ATP6V0D2: variants seen among roughly 807,000 people sequenced by gnomAD.
ATP6V0D2 encodes V-type proton ATPase subunit d 2.
A neutral mutation model predicts 40.0 loss-of-function variants in ATP6V0D2; 40 were observed. That is an observed-to-expected ratio of 1.00 (90% CI 0.78 to 1.30). The LOEUF (loss-of-function observed/expected upper bound fraction) is 1.30, where lower values mean the gene tolerates loss of function less well. Among genes scored for constraint, ATP6V0D2 ranks in the 50% most tolerant of loss-of-function variants. The pLI is 0.00. For synonymous variants in ATP6V0D2, 179 were observed against 156.3 expected, an observed-to-expected ratio of 1.15 and a Z score of -1.08; for missense variants, 470 against 423.1, an observed-to-expected ratio of 1.11 and a Z score of -0.97.
chr8:86,151,207 G>C (rs1008578488), intron 6 of ATP6V0D2, among the ~76,000 whole-genome samples: 10 of 149,408 alleles, frequency 6.7e-5, no homozygotes, highest in Admixed American at 4.6e-4. Flanking sequence ...GTGAGAAAAT[G>C]AGCTCAAACA....
intron 2 of ATP6V0D2, among the ~76,000 whole-genome samples, chr8:86,121,848 G>T (rs1481078462): frequency 6.6e-6 from 1 of 152,072 alleles, no homozygotes; most frequent in Non-Finnish European, 1.5e-5. Flanking sequence ...GATTAAATCT[G>T]TTTTATTAGA....
At chr8:86,120,321 A>G (rs2130247435) in intron 2 of ATP6V0D2, among the ~76,000 whole-genome samples, 1 of 152,242 alleles carries the variant, frequency 6.6e-6, no homozygotes, top group East Asian at 1.9e-4. Flanking sequence ...GGATTGCTTG[A>G]GTCTAGGAGA....
At chr8:86,136,744 C>A (rs1157428935) in intron 2 of ATP6V0D2, among the ~76,000 whole-genome samples, 4 of 152,134 alleles carry the variant, frequency 2.6e-5, no homozygotes, top group Non-Finnish European at 4.4e-5. Flanking sequence ...AAACGAATTC[C>A]CTGCCCAGGA....
At chr8:86,150,006 C>T in intron 5 of ATP6V0D2, 106 bp from the exon 6 acceptor site, 4 of 1,092,424 alleles carry the variant, frequency 3.7e-6, no homozygotes, top group Non-Finnish European at 5.3e-6. Flanking sequence ...GACATAGATC[C>T]AGAAAGGAAA....
In ATP6V0D2 at chr8:86,138,236, C is replaced by T. The variant is rs72686773; in HGVS notation, c.303-1221C>T. On this transcript the variant is annotated intron_variant, in intron 2 of 7. Transcript: ENST00000285393. The stretch of plus-strand genomic sequence containing the variant: ...CCAGTTCCCAGCCCCTTTTGGCTGG[C>T]CAGCTTCTACTAATTCTTCAAGTTT... 3.8e-3 allele frequency among the ~76,000 whole-genome samples: 572 copies of T among 152,312 alleles called. 7 individuals are homozygous for T. Among genetic ancestry groups the T allele is most frequent in the South Asian group, 0.028 (136 of 4,826 alleles).
chr8:86,144,834 G>A (rs554156717), intron 5 of ATP6V0D2, among the ~76,000 whole-genome samples: 126 of 148,906 alleles, frequency 8.5e-4, no homozygotes, highest in African/African-American at 2.9e-3. Flanking sequence ...GCCCAGCTAA[G>A]TGTTTTATTT....
intron 2 of ATP6V0D2, among the ~76,000 whole-genome samples, chr8:86,116,608 C>T (rs776395514): frequency 2.0e-5 from 3 of 151,842 alleles, no homozygotes; most frequent in Admixed American, 6.6e-5. Context: ...TTATTTTTTC[C>T]GCTTACAAAA....
chr8:86,109,288 A>G (rs1818505828), intron 1 of ATP6V0D2, among the ~76,000 whole-genome samples: 1 of 152,188 alleles, frequency 6.6e-6, no homozygotes, highest in Non-Finnish European at 1.5e-5. Flanking sequence ...ATAAGCATTT[A>G]GGGAAATGTA....
rs79265657 is a variant in ATP6V0D2 at position 86,112,727 on chromosome 8, T to C, written c.131-982T>C. ...TGAAGTATGGATGCTAGAAAATACA[T>C]GGTTTGTTCAGGAGGAAGTGACAAT... On this transcript the variant is annotated intron_variant, in intron 1 of 7. Transcript: ENST00000285393. Among the ~76,000 whole-genome samples, 1,292 of 152,238 alleles carry C rather than the reference T, an allele frequency of 8.5e-3. 17 individuals are homozygous for C. The highest frequency in any genetic ancestry group is 0.03 in the African/African-American group (1,234 of 41,544).
At chr8:86,140,427 G>A (rs1171727057) in intron 3 of ATP6V0D2, among the ~76,000 whole-genome samples, 1 of 152,146 alleles carries the variant, frequency 6.6e-6, no homozygotes, top group Non-Finnish European at 1.5e-5. Context: ...CCATGAGCAT[G>A]AAACCAGGCT....
At chr8:86,143,302 C>T (rs1819002668) in intron 5 of ATP6V0D2, among the ~76,000 whole-genome samples, 7 of 152,126 alleles carry the variant, frequency 4.6e-5, no homozygotes, top group Admixed American at 4.6e-4. Flanking sequence ...GGGTCCCAAT[C>T]CAGACCCCAA....
chr8:86,107,002 C>T (rs995521922), intron 1 of ATP6V0D2, among the ~76,000 whole-genome samples: 1 of 147,428 alleles, frequency 6.8e-6, no homozygotes, highest in Non-Finnish European at 1.5e-5. Flanking sequence ...TGCCACCGTA[C>T]TTTAGCCTGG....
At chr8:86,143,805 TG>T (rs1334275329) in intron 5 of ATP6V0D2, among the ~76,000 whole-genome samples, 6 of 152,168 alleles carry the variant, frequency 3.9e-5, no homozygotes, top group African/African-American at 1.4e-4. Flanking sequence ...GGAGTTGCTC[TG>T]GTTCAAATGC....
At chr8:86,150,461 T>C (rs2129645742) in intron 6 of ATP6V0D2, among the ~76,000 whole-genome samples, 173 bp downstream of exon 6, 2 of 152,232 alleles carry the variant, frequency 1.3e-5, no homozygotes, top group South Asian at 4.2e-4. Context: ...GTTAAGTTTC[T>C]AGCCCAAGCT....
chr8:86,110,875 A>G (rs1818521661), intron 1 of ATP6V0D2, among the ~76,000 whole-genome samples: 1 of 152,152 alleles, frequency 6.6e-6, no homozygotes, highest in South Asian at 2.1e-4. Context: ...GACTGGCATC[A>G]TAAGACCTCC....
chr8:86,130,874 C>G lies in ATP6V0D2; in HGVS notation c.303-8583C>G, dbSNP rs561802062. 2.6e-5 allele frequency among the ~76,000 whole-genome samples: 4 copies of G among 152,226 alleles called. No homozygotes were observed. The East Asian group carries it at 7.7e-4, about 29-fold the overall frequency. ...ACGACCCCCCACCCCAGTTCTTCCC[C>G]TTTCAATTCTGTTCTCAAGGTCTGG... On this transcript the variant is annotated intron_variant, in intron 2 of 7. Transcript: ENST00000285393.
intron 2 of ATP6V0D2, among the ~76,000 whole-genome samples, chr8:86,137,178 C>T (rs939525134): frequency 6.6e-6 from 1 of 152,120 alleles, no homozygotes; most frequent in African/African-American, 2.4e-5. Context: ...TCTCCCTTTC[C>T]CTTGCACAGA....
intron 2 of ATP6V0D2, among the ~76,000 whole-genome samples, chr8:86,135,372 C>T (rs1221844888): frequency 6.6e-6 from 1 of 152,162 alleles, no homozygotes; most frequent in Admixed American, 6.5e-5. Context: ...AAGAATAGCT[C>T]TAAGATCAAA....
chr8:86,139,714 C>T (rs1046262960), intron 3 of ATP6V0D2, 79 bp downstream of exon 3: 3 of 1,429,584 alleles, frequency 2.1e-6, no homozygotes, highest in Admixed American at 5.1e-5. Flanking sequence ...TTTTTCTTCC[C>T]TGTGGTCCAA....
Sources: gnomAD v4.1 joint callset for allele counts (sites outside exome capture counted in the v4.1 genomes callset) on GRCh38, gnomAD v4.1.1 for gene constraint, MANE v1.5 for transcripts, NCBI Gene and HGNC (gene_info 2026-07-23, HGNC 2026-07-21) for gene names.